DOC2B: variants seen among roughly 807,000 people sequenced by gnomAD.
DOC2B encodes the protein double C2 domain beta.
DOC2B carries 21 observed loss-of-function variants against 28.9 expected under a neutral mutation model. That is an observed-to-expected ratio of 0.73 (90% CI 0.52 to 1.05). The LOEUF (loss-of-function observed/expected upper bound fraction) is 1.05, where lower values mean the gene tolerates loss of function less well. Ranked by LOEUF, DOC2B falls within the 50% of genes least tolerant of loss-of-function variation. The probability of loss-of-function intolerance (pLI) is 0.00; values close to 1 mark genes in which losing one functional copy is unlikely to be tolerated. For missense variants in DOC2B, 384 were observed against 421.1 expected, an observed-to-expected ratio of 0.91 and a Z score of 0.77; for synonymous variants, 194 against 178.1, an observed-to-expected ratio of 1.09 and a Z score of -0.71.
chr17:153,825 C>A (rs1252487211), intron 6 of DOC2B, among the ~76,000 whole-genome samples: 4 of 152,096 alleles, frequency 2.6e-5, no homozygotes, highest in Non-Finnish European at 4.4e-5. Context: ...AACCAGTATC[C>A]TACTGTGTGT....
intron 2 of DOC2B, among the ~76,000 whole-genome samples, chr17:169,876 TC>T (rs1402642590): frequency 1.3e-5 from 2 of 151,562 alleles, no homozygotes; most frequent in Non-Finnish European, 2.9e-5. Context: ...GAACTGGGCC[TC>T]CCACCCCCAC....
At chr17:180,887 C>T (rs1200486611) in intron 1 of DOC2B, among the ~76,000 whole-genome samples, 1 of 151,830 alleles carries the variant, frequency 6.6e-6, no homozygotes, top group Admixed American at 6.5e-5. Context: ...CCCCGAACTT[C>T]CCTCCTGTCC....
intron 6 of DOC2B, among the ~76,000 whole-genome samples, chr17:154,315 G>A (rs1047682502): frequency 6.8e-6 from 1 of 146,792 alleles, no homozygotes; most frequent in African/African-American, 2.6e-5. Flanking sequence ...CTCCTTCTTA[G>A]GGCTGATATT....
Position 181,533 on chromosome 17 carries a change from C to T in DOC2B, c.-54G>A. On this transcript the variant is annotated 5_prime_UTR_variant, in exon 1 of 9. Coordinates refer to ENST00000613549, the MANE Select transcript of DOC2B (RefSeq NM_003585.5). The surrounding 1 kb of genome is among the most constrained non-coding windows in gnomAD (Gnocchi z 7.0). ...GGCCCGGCCCGGCGCGACCCCGGCC[C>T]GGGGGCGGCTCAGCAGGCCCGGCGG... The T allele has an allele frequency of 2.1e-6, 2 of 955,226 alleles. No homozygotes were observed. The highest frequency in any genetic ancestry group is 2.5e-6 in the Non-Finnish European group (2 of 805,044). The allele number at this position is 955,226 out of a possible 1,614,324, so 59.2% of individuals were successfully genotyped here. A position where few individuals can be genotyped will look rare whatever the true frequency, so the allele number is the denominator to read the frequency against.
chr17:162,768 G>A (rs1157399177), intron 3 of DOC2B, among the ~76,000 whole-genome samples: 3 of 152,226 alleles, frequency 2.0e-5, no homozygotes, highest in African/African-American at 4.8e-5. Context: ...GATGCCACGG[G>A]GTAGGTTCTG....
intron 6 of DOC2B, among the ~76,000 whole-genome samples, chr17:151,923 G>A (rs2040076714): frequency 6.6e-6 from 1 of 152,180 alleles, no homozygotes. Flanking sequence ...TCTACCAGAA[G>A]TGCCCTTCCC....
intron 6 of DOC2B, among the ~76,000 whole-genome samples, chr17:155,497 T>C (rs147869368): frequency 0.023 from 3,509 of 152,244 alleles, 138 homozygotes; most frequent in African/African-American, 0.08. Context: ...TCTGCTGAAC[T>C]AAATTCCTCC....
At chr17:159,050 A>AAC (rs1555522932) in intron 5 of DOC2B, among the ~76,000 whole-genome samples, 1 of 151,548 alleles carries the variant, frequency 6.6e-6, no homozygotes, top group Non-Finnish European at 1.5e-5. Flanking sequence ...ATAAAAAAAA[A>AAC]AAAAAAACAA....
chr17:153,398 T>A (rs1555522003), intron 6 of DOC2B, among the ~76,000 whole-genome samples: 1 of 152,198 alleles, frequency 6.6e-6, no homozygotes, highest in Non-Finnish European at 1.5e-5. Flanking sequence ...GCATTGAAAC[T>A]GGTTTAAAAA....
intron 6 of DOC2B, among the ~76,000 whole-genome samples, chr17:150,393 G>T (rs547289895): frequency 5.3e-5 from 8 of 151,698 alleles, no homozygotes; most frequent in Non-Finnish European, 8.8e-5. Context: ...CCAAAGACAC[G>T]CCCATGTCCA....
chr17:161,970 G>A (rs528624401), intron 4 of DOC2B, 111 bp downstream of exon 4: 23 of 759,786 alleles, frequency 3.0e-5, no homozygotes, highest in Non-Finnish European at 5.1e-5. Context: ...TTGCTGGCAT[G>A]AGGTTGAACC....
intron 5 of DOC2B, among the ~76,000 whole-genome samples, chr17:159,737 A>G (rs1038329000): frequency 2.0e-5 from 3 of 152,310 alleles, no homozygotes; most frequent in East Asian, 3.9e-4. Flanking sequence ...ATGGGCCGGT[A>G]GCGCATCCAG....
In DOC2B at chr17:144,916, G is replaced by C. The variant is rs2040008709; in HGVS notation, c.*2525C>G. ...TTCTCGCTTTGCCATTCACTTCTGTGTCTTCAGAGAGGCTGTCAAATCTCC... is the reference window on the plus strand; with the variant it reads ...TTCTCGCTTTGCCATTCACTTCTGTCTCTTCAGAGAGGCTGTCAAATCTCC... On this transcript the variant is annotated 3_prime_UTR_variant, in exon 9 of 9. Transcript: ENST00000613549. 6.6e-6 allele frequency: 1 copy of C among 152,156 alleles called. No homozygotes were observed. The highest frequency in any genetic ancestry group is 1.5e-5 in the Non-Finnish European group (1 of 68,038). The allele number at this position is 152,156 out of a possible 1,614,324, so 9.4% of individuals were successfully genotyped here.
At chr17:180,622 TC>T (rs981847822) in intron 1 of DOC2B, among the ~76,000 whole-genome samples, 16 of 151,902 alleles carry the variant, frequency 1.1e-4, no homozygotes, top group Admixed American at 1.0e-3. Context: ...GCCGGGCCGC[TC>T]CCAGCCTCGG....
At chr17:151,153 C>T (rs2040068070) in intron 6 of DOC2B, among the ~76,000 whole-genome samples, 1 of 152,100 alleles carries the variant, frequency 6.6e-6, no homozygotes, top group Non-Finnish European at 1.5e-5. Context: ...TGCCTGTAGT[C>T]CCAGCTATTC....
In DOC2B at chr17:146,393, GC is replaced by G. The variant is rs1168704145; in HGVS notation, c.*1047del. ...ATGCTTATGCCAGGAAGGAGGAGGG[GC>G]GGGCTCCGTCCTTGAGGTCCCTCAG... On this transcript the variant is annotated 3_prime_UTR_variant, in exon 9 of 9. Transcript: ENST00000613549. 1 of 152,256 alleles carries G rather than the reference GC, an allele frequency of 6.6e-6. No homozygotes were observed. The highest frequency in any genetic ancestry group is 1.5e-5 in the Non-Finnish European group (1 of 68,102). 9.4% of individuals were successfully genotyped at this position (152,256 alleles called of 1,614,324 possible).
At chr17:180,000 G>A (rs1320187137) in intron 1 of DOC2B, among the ~76,000 whole-genome samples, 1 of 152,232 alleles carries the variant, frequency 6.6e-6, no homozygotes, top group Admixed American at 6.5e-5. Context: ...GGAAACTCCA[G>A]GCCCGCAGCC....
At chr17:154,569 G>C (rs2040111873) in intron 6 of DOC2B, among the ~76,000 whole-genome samples, 1 of 152,204 alleles carries the variant, frequency 6.6e-6, no homozygotes, top group Admixed American at 6.5e-5. Context: ...GTGCTGCTAT[G>C]AACATTCCTG....
chr17:177,689 T>TGC (rs2040386609), intron 1 of DOC2B, among the ~76,000 whole-genome samples: 1 of 152,262 alleles, frequency 6.6e-6, no homozygotes, highest in Non-Finnish European at 1.5e-5. Context: ...TTCTTGTATC[T>TGC]CTGTGCCTAA....
Sources: gnomAD v4.1 joint callset for allele counts (sites outside exome capture counted in the v4.1 genomes callset) on GRCh38, gnomAD v4.1.1 for gene constraint, Gnocchi (gnomAD v3.1) non-coding constraint, MANE v1.5 for transcripts, NCBI Gene and HGNC (gene_info 2026-07-23, HGNC 2026-07-21) for gene names.